MRPL37: variants seen among roughly 807,000 people sequenced by gnomAD.
MRPL37 encodes large ribosomal subunit protein mL37.
Under a neutral mutation model 44.1 loss-of-function variants are expected in MRPL37, and 34 were observed. The observed-to-expected ratio is 0.77, with a 90% CI of 0.59 to 1.03. The LOEUF (loss-of-function observed/expected upper bound fraction) is 1.03, where lower values mean the gene tolerates loss of function less well. Ranked by LOEUF, MRPL37 falls within the 50% of genes least tolerant of loss-of-function variation. MRPL37 has a pLI of 0.00. For synonymous variants in MRPL37, 212 were observed against 219.5 expected (o/e 0.97, Z 0.30); for missense variants, 532 against 543.7 (o/e 0.98, Z 0.21).
chr1:54,216,287 C>T lies in MRPL37; in HGVS notation c.1137C>T (p.Asp379=). The change falls in exon 6 of 7, where the codon GAC becomes GAT. Residue 379 remains aspartate (D), a synonymous_variant. Coordinates refer to ENST00000360840, the MANE Select transcript of MRPL37 (RefSeq NM_016491.4). The part of the protein sequence containing the change: ...GVKNLAWVDS[D]QLLYQHFWCL... ...AGAATTTGGCCTGGGTGGACTCAGA[C>T]CAGCTCCTCTATCAGCATTTTTGGT... is the stretch of plus-strand genomic sequence containing the variant. 6.2e-7 allele frequency: 1 copy of T among 1,614,190 alleles called. No individual in the cohort carries two copies. Among genetic ancestry groups the T allele is most frequent in the Non-Finnish European group, 8.5e-7 (1 of 1,180,038 alleles).
chr1:54,210,199 G>A lies in MRPL37; in HGVS notation c.832+68G>A. ...AGGACATGCTTTTTCTGGAGGGAAA[G>A]GATATACTAAGAACTTGCTAGGTGC... On this transcript the variant is annotated intron_variant, in intron 4 of 6. Transcript: ENST00000360840. 2 of 1,509,394 alleles carry A rather than the reference G, an allele frequency of 1.3e-6. 1 individual carries two copies. The highest frequency in any genetic ancestry group is 3.6e-5 in the Admixed American group (2 of 56,270). The allele number at this position is 1,509,394 out of a possible 1,614,324, so 93.5% of individuals were successfully genotyped here.
chr1:54,219,579 G>A (rs34609199), downstream of MRPL37, among the ~76,000 whole-genome samples: 75 of 152,268 alleles, frequency 4.9e-4, no homozygotes, highest in East Asian at 0.012. Context: ...CTGGGGCTCC[G>A]GGTACTCTGA....
intron 3 of MRPL37, among the ~76,000 whole-genome samples, chr1:54,205,615 T>A (rs898196990): frequency 6.6e-6 from 1 of 152,232 alleles, no homozygotes; most frequent in Non-Finnish European, 1.5e-5. Context: ...TCTAAGACGT[T>A]AATTCAACCA....
At chr1:54,202,812 G>C (rs1258144566) in intron 1 of MRPL37, among the ~76,000 whole-genome samples, 1 of 152,178 alleles carries the variant, frequency 6.6e-6, no homozygotes, top group African/African-American at 2.4e-5. Context: ...TTCAAATGAA[G>C]ATATGACCTT....
In MRPL37 at chr1:54,205,089, G is replaced by C. The variant is rs1467655368; in HGVS notation, c.418G>C (p.Val140Leu). 1.2e-6 allele frequency: 2 copies of C among 1,614,118 alleles called. No homozygotes were observed. The highest frequency in any genetic ancestry group is 1.7e-6 in the Non-Finnish European group (2 of 1,180,026). The part of the protein sequence containing the change: ...EGLPEKVLSL[V>L]DDPRNHIENQ... ...CCTTCCCGAGAAAGTGCTTAGCCTT[G>C]TTGATGATCCAAGGAACCACATAGA... Residue 140 changes from valine (V) to leucine (L), a missense_variant, in exon 2 of 7, where the codon GTT becomes CTT. Transcript: ENST00000360840.
intron 5 of MRPL37, among the ~76,000 whole-genome samples, chr1:54,213,392 G>C (rs1222042774): frequency 6.6e-6 from 1 of 152,166 alleles, no homozygotes; most frequent in African/African-American, 2.4e-5. Flanking sequence ...GTCTTGGTTA[G>C]AGCCTGAGTC....
Position 54,200,406 on chromosome 1 carries a change from C to G in MRPL37, c.163C>G (p.Leu55Val), listed in dbSNP as rs754918106. The change falls in exon 1 of 7, where the codon CTG (leucine) becomes GTG (valine). Residue 55 changes from leucine (L) to valine (V), a missense_variant. Transcript: ENST00000360840. ...PLDRVYEIPGLEPITFAGKMH... is the reference protein window; with the variant it reads ...PLDRVYEIPGVEPITFAGKMH... ...GGATAGGGTGTACGAGATCCCTGGACTGGAGCCCATCACCTTTGCGGGGAA... is the reference window on the plus strand; with the variant it reads ...GGATAGGGTGTACGAGATCCCTGGAGTGGAGCCCATCACCTTTGCGGGGAA... 2 of 1,614,240 alleles carry G rather than the reference C, an allele frequency of 1.2e-6. No homozygotes were observed. Among genetic ancestry groups the G allele is most frequent in the Non-Finnish European group, 1.7e-6 (2 of 1,180,054 alleles).
chr1:54,224,253 T>C (rs894804650), downstream of MRPL37, among the ~76,000 whole-genome samples: 21 of 152,172 alleles, frequency 1.4e-4, no homozygotes, highest in Non-Finnish European at 2.9e-4. Flanking sequence ...AAGGTGTCTG[T>C]ACTCAGCAAA....
chr1:54,209,685 T>C (rs921564091), intron 3 of MRPL37, among the ~76,000 whole-genome samples: 3 of 152,002 alleles, frequency 2.0e-5, no homozygotes, highest in Middle Eastern at 3.2e-3. Context: ...GGTCTTGATA[T>C]CCTGACCTCG....
At chr1:54,210,217 C>CGCCGGGCGCGG in intron 4 of MRPL37, 86 bp downstream of exon 4, 1 of 1,356,898 alleles carries the variant, frequency 7.4e-7, no homozygotes, top group South Asian at 1.3e-5. Context: ...TAAGAACTTG[C>CGCCGGGCGCGG]TAGGTGCTAG....
Position 54,213,456 on chromosome 1 carries a change from G to T in MRPL37, c.990+798G>T, listed in dbSNP as rs937768522. Among the ~76,000 whole-genome samples the T allele has an allele frequency of 3.9e-5, 6 of 152,192 alleles. No homozygotes were observed. The East Asian group carries it at 5.8e-4, about 15-fold the overall frequency. On this transcript the variant is annotated intron_variant, in intron 5 of 6. Transcript: ENST00000360840. ...CTGTTTCCCATCTTATTTGGCCTAG[G>T]GGGAGTTGGAGAGCCATGGTTAGCC... is the stretch of plus-strand genomic sequence containing the variant.
downstream of MRPL37, chr1:54,220,599 C>T: frequency 2.1e-6 from 1 of 468,392 alleles, no homozygotes; most frequent in Non-Finnish European, 4.4e-6. Context: ...ATGACAGCTG[C>T]CCCCTCCACA....
At chr1:54,219,602 A>G (rs1320671352), downstream of MRPL37, among the ~76,000 whole-genome samples, 1 of 152,108 alleles carries the variant, frequency 6.6e-6, no homozygotes, top group Non-Finnish European at 1.5e-5. Context: ...CCTGCTGCCC[A>G]TTTTACTTTT....
At chr1:54,211,221 A>G (rs374744666) in intron 4 of MRPL37, among the ~76,000 whole-genome samples, 1 of 152,002 alleles carries the variant, frequency 6.6e-6, no homozygotes. Context: ...CTGTCCTCCC[A>G]CAGCCCCTGA....
At chr1:54,221,427 GCCTA>G (rs1644232853), downstream of MRPL37, among the ~76,000 whole-genome samples, 1 of 152,066 alleles carries the variant, frequency 6.6e-6, no homozygotes, top group Non-Finnish European at 1.5e-5. Context: ...GACCCATAAG[GCCTA>G]CCTGCTTCAC....
intron 4 of MRPL37, among the ~76,000 whole-genome samples, chr1:54,212,056 T>A (rs1438334925): frequency 6.6e-6 from 1 of 152,220 alleles, no homozygotes; most frequent in African/African-American, 2.4e-5. Flanking sequence ...TTCTTTTGAA[T>A]AATTACCACA....
At chr1:54,223,354 A>AG (rs1644249344), downstream of MRPL37, among the ~76,000 whole-genome samples, 1 of 152,196 alleles carries the variant, frequency 6.6e-6, no homozygotes, top group South Asian at 2.1e-4. Context: ...GAGGGACCCC[A>AG]GGTATGTTCT....
At chr1:54,216,480 T>G (rs1192016041) in intron 6 of MRPL37, 136 bp downstream of exon 6, 1 of 1,024,468 alleles carries the variant, frequency 9.8e-7, no homozygotes, top group Non-Finnish European at 1.4e-6. Context: ...GATCTCTGCC[T>G]GGAGGACTCC....
At position 54,216,210 on chromosome 1, in the gene MRPL37, T is replaced by A; in HGVS notation, c.1060T>A (p.Phe354Ile). Reference protein sequence around the residue: ...SVGTDGRVFHFLVFQLNTTDL... With the variant: ...SVGTDGRVFHILVFQLNTTDL... ...GGGCACGGATGGACGTGTCTTCCATTTCCTAGTGTTTCAACTGAATACCAC... is the reference window on the plus strand; with the variant it reads ...GGGCACGGATGGACGTGTCTTCCATATCCTAGTGTTTCAACTGAATACCAC... The change falls in exon 6 of 7, where the codon TTC (phenylalanine) becomes ATC (isoleucine). Residue 354 changes from phenylalanine to isoleucine, a missense_variant. Physicochemically the swap from Phe to Ile is conservative, Grantham distance 21. Transcript: ENST00000360840. 6.2e-7 allele frequency: 1 copy of A among 1,614,186 alleles called. No individual in the cohort carries two copies. The highest frequency in any genetic ancestry group is 8.5e-7 in the Non-Finnish European group (1 of 1,180,030).
Sources: gnomAD v4.1 joint callset for allele counts (sites outside exome capture counted in the v4.1 genomes callset) on GRCh38, gnomAD v4.1.1 for gene constraint, MANE v1.5 for transcripts, NCBI Gene and HGNC (gene_info 2026-07-23, HGNC 2026-07-21) for gene names.